RHOH: variants seen among roughly 807,000 people sequenced by gnomAD.
RHOH encodes rho-related GTP-binding protein RhoH.
RHOH carries 6 observed loss-of-function variants against 13.8 expected under a neutral mutation model. That is an observed-to-expected ratio of 0.44 (90% CI 0.24 to 0.86). The LOEUF (loss-of-function observed/expected upper bound fraction) is 0.86, where lower values mean the gene tolerates loss of function less well. Ranked by LOEUF, RHOH falls within the 40% of genes least tolerant of loss-of-function variation. The pLI, the probability that RHOH is intolerant of heterozygous loss-of-function variation, is 0.24. For synonymous variants in RHOH, 117 were observed against 103.0 expected (o/e 1.14, Z -0.82); for missense variants, 147 against 244.5 (o/e 0.60, Z 2.66).
rs1327832012 is a variant in RHOH, at chr4:40,244,376, ACTC to A, written c.*418_*420del. ...TTTTCCTACATCCTCGAAAACATAA[ACTC>A]CTCTGTGAGTGAAATGCTTGTACGA... On this transcript the variant is annotated 3_prime_UTR_variant, in exon 3 of 3. Transcript: ENST00000381799. 4.3e-6 allele frequency: 1 copy of A among 230,182 alleles called. No homozygotes were observed. The highest frequency in any genetic ancestry group is 9.3e-6 in the Non-Finnish European group (1 of 107,286). The allele number at this position is 230,182 out of a possible 1,614,324, so 14.3% of individuals were successfully genotyped here.
upstream of RHOH, among the ~76,000 whole-genome samples, chr4:40,195,666 G>A (rs751875511): frequency 4.6e-5 from 7 of 151,886 alleles, no homozygotes; most frequent in East Asian, 1.9e-4. Flanking sequence ...GGCTGGTCCC[G>A]AACTCCTAGG....
intron 1 of RHOH, among the ~76,000 whole-genome samples, chr4:40,231,415 C>T (rs1344343042): frequency 6.6e-6 from 1 of 151,686 alleles, no homozygotes; most frequent in African/African-American, 2.4e-5. Context: ...GAAGATGACC[C>T]TGGCTACCCC....
chr4:40,240,404 T>C (rs1300060908), intron 1 of RHOH: 1 of 150,462 alleles, frequency 6.6e-6, no homozygotes, highest in Non-Finnish European at 1.5e-5. Context: ...ACTTGGGAGG[T>C]GGAGGCTGCA....
chr4:40,223,773 T>G (rs866359959), intron 1 of RHOH, among the ~76,000 whole-genome samples: 84 of 129,016 alleles, frequency 6.5e-4, no homozygotes, highest in Middle Eastern at 3.8e-3. Context: ...ACTTGTTTTT[T>G]TTTTTTTTTT....
At chr4:40,206,356 C>G (rs554481595) in intron 1 of RHOH, among the ~76,000 whole-genome samples, 1 of 152,112 alleles carries the variant, frequency 6.6e-6, no homozygotes, top group South Asian at 2.1e-4. Context: ...TTCTTCTGGT[C>G]TTTGTTCCAG....
At position 40,200,989 on chromosome 4, in the gene RHOH, C is replaced by T. The variant is rs148149256; in HGVS notation, c.-331+3689C>T. 9.0e-3 allele frequency among the ~76,000 whole-genome samples: 1,364 copies of T among 152,312 alleles called. 18 individuals are homozygous for T. Among genetic ancestry groups the T allele is most frequent in the South Asian group, 0.04 (192 of 4,826 alleles). On this transcript the variant is annotated intron_variant, in intron 1 of 2. Coordinates refer to ENST00000381799, the MANE Select transcript of RHOH (RefSeq NM_004310.5). ...TTTCTTATCTCTGCACTCAGTTTCT[C>T]GTAAAACTGAAGTCACAGTGACCTC... is the stretch of plus-strand genomic sequence containing the variant.
intron 1 of RHOH, among the ~76,000 whole-genome samples, chr4:40,200,984 T>C (rs1299675203): frequency 6.6e-6 from 1 of 152,224 alleles, no homozygotes; most frequent in African/African-American, 2.4e-5. Context: ...CTGCACTCAG[T>C]TTCTCGTAAA....
chr4:40,210,082 T>TTG (rs1425355216), intron 1 of RHOH, among the ~76,000 whole-genome samples: 22 of 113,300 alleles, frequency 1.9e-4, no homozygotes, highest in Admixed American at 8.2e-4. Context: ...CCTGATTACA[T>TTG]TGTGTGCGTG....
intron 1 of RHOH, among the ~76,000 whole-genome samples, chr4:40,234,747 T>G (rs1335852651): frequency 4.8e-5 from 1 of 20,630 alleles, no homozygotes; most frequent in African/African-American, 1.3e-4. Context: ...TCAGCATCTT[T>G]TTTTTTTTTT....
intron 1 of RHOH, among the ~76,000 whole-genome samples, chr4:40,238,399 G>C (rs1443906998): frequency 6.6e-6 from 1 of 152,230 alleles, no homozygotes; most frequent in Non-Finnish European, 1.5e-5. Context: ...AGGCCAAAAG[G>C]AAACCAGGAT....
At chr4:40,237,454 CA>C (rs145980581) in intron 1 of RHOH, among the ~76,000 whole-genome samples, 16,072 of 136,196 alleles carry the variant, frequency 0.12, 1,312 homozygotes, top group East Asian at 0.47. Context: ...GACTCCGTCT[CA>C]AAAAAAAAAA....
In RHOH at chr4:40,246,899, A is replaced by G. The variant is rs1729797731; in HGVS notation, c.*2937A>G. ...GGTACCTTTTTGTAGACTATTGCAT[A>G]TCGATTCTTAACTATTCCAAGTAGC... On this transcript the variant is annotated 3_prime_UTR_variant, in exon 3 of 3. Transcript: ENST00000381799. 6.6e-6 allele frequency: 1 copy of G among 152,210 alleles called. No individual in the cohort carries two copies. Among genetic ancestry groups the G allele is most frequent in the South Asian group, 2.1e-4 (1 of 4,836 alleles). 9.4% of individuals were successfully genotyped at this position (152,210 alleles called of 1,614,324 possible). A position where few individuals can be genotyped will look rare whatever the true frequency, so the allele number is the denominator to read the frequency against.
intron 1 of RHOH, among the ~76,000 whole-genome samples, chr4:40,224,005 C>T (rs1726930308): frequency 6.6e-6 from 1 of 152,120 alleles, no homozygotes; most frequent in African/African-American, 2.4e-5. Context: ...CTCTCGACCT[C>T]AGGTGATCTG....
chr4:40,196,244 G>A (rs188549492), upstream of RHOH, among the ~76,000 whole-genome samples: 4 of 152,290 alleles, frequency 2.6e-5, no homozygotes, highest in East Asian at 3.9e-4. Context: ...AGCTATCACC[G>A]TGAGCAGTAG....
chr4:40,236,788 TA>T (rs368852835), intron 1 of RHOH, among the ~76,000 whole-genome samples: 584 of 141,880 alleles, frequency 4.1e-3, no homozygotes, highest in Middle Eastern at 0.011. Flanking sequence ...GAGACTCCAT[TA>T]AAAAAAAAAA....
chr4:40,201,073 G>C (rs900911657), intron 1 of RHOH, among the ~76,000 whole-genome samples: 1 of 152,108 alleles, frequency 6.6e-6, no homozygotes, highest in East Asian at 1.9e-4. Context: ...CAGAAGATAC[G>C]GTTCTCATCA....
At chr4:40,230,951 G>T (rs1401111329) in intron 1 of RHOH, among the ~76,000 whole-genome samples, 2 of 152,118 alleles carry the variant, frequency 1.3e-5, no homozygotes, top group African/African-American at 4.8e-5. Context: ...CAGCCTTTTT[G>T]TTCCCTTCTG....
At chr4:40,241,910 AT>A (rs202179626) in intron 1 of RHOH, among the ~76,000 whole-genome samples, 4 of 152,206 alleles carry the variant, frequency 2.6e-5, no homozygotes, top group African/African-American at 9.7e-5. Context: ...AAAAGAAAAA[AT>A]AAATGTTTTG....
chr4:40,208,092 T>G (rs1034015531), intron 1 of RHOH, among the ~76,000 whole-genome samples: 3 of 152,206 alleles, frequency 2.0e-5, no homozygotes, highest in Non-Finnish European at 4.4e-5. Flanking sequence ...CCGATCAACC[T>G]TAAAAAGTTA....
Sources: allele counts gnomAD v4.1 joint callset (sites outside exome capture counted in the v4.1 genomes callset), GRCh38; gene constraint gnomAD v4.1.1; transcripts MANE v1.5; gene names NCBI Gene and HGNC (gene_info 2026-07-23, HGNC 2026-07-21).